Variants in TBCD observed in about 807,000 individuals in gnomAD.
TBCD encodes tubulin folding cofactor D, also known as tubulin-specific chaperone D.
In TBCD, 105 loss-of-function variants were observed where a neutral mutation model predicts 169.3. The observed-to-expected ratio is 0.62, with a 90% confidence interval of 0.53 to 0.73. The LOEUF is 0.73. Ranked by LOEUF, TBCD falls within the 30% of genes least tolerant of loss-of-function variation. The pLI is 0.00. For missense variants in TBCD, 1,444 were observed against 1,600.1 expected (o/e 0.90, Z 1.66); for synonymous variants, 700 against 643.9 (o/e 1.09, Z -1.32).
intron 7 of TBCD, among the ~76,000 whole-genome samples, chr17:82,790,563 T>C (rs569393207): frequency 1.3e-5 from 2 of 152,260 alleles, no homozygotes; most frequent in Admixed American, 1.3e-4. Context: ...CTCTCAGCCA[T>C]GCTCTCCGTC....
At chr17:82,940,287 C>A (rs1909352275) in intron 37 of TBCD, among the ~76,000 whole-genome samples, 1 of 152,020 alleles carries the variant, frequency 6.6e-6, no homozygotes, top group Admixed American at 6.5e-5. Context: ...TGTTGGAGAT[C>A]AGGACTGAAG....
intron 13 of TBCD, among the ~76,000 whole-genome samples, chr17:82,815,241 G>A (rs754981411): frequency 2.0e-5 from 3 of 152,222 alleles, no homozygotes; most frequent in Non-Finnish European, 4.4e-5. Flanking sequence ...ATTACCCTGT[G>A]TAGCTGGTTT....
In TBCD at chr17:82,847,356, GAAAAAAAAA is replaced by G. The variant is rs1041994030; in HGVS notation, c.1319-22853_1319-22845del. ...CAACAGAGCGAGACTCCATGTCAAA[GAAAAAAAAA>G]AAAAAAAAAAAAAAGAAACAACCCT... is the stretch of plus-strand genomic sequence containing the variant. On this transcript the variant is annotated intron_variant, in intron 13 of 38. Transcript: ENST00000355528. 1.6e-4 allele frequency among the ~76,000 whole-genome samples: 13 copies of G among 81,748 alleles called. No homozygotes were observed. The South Asian group carries it at 3.3e-3, about 21-fold the overall frequency. The allele number at this position is 81,748 out of a possible 152,430, so 53.6% of individuals were successfully genotyped here. A position where few individuals can be genotyped will look rare whatever the true frequency, so the allele number is the denominator to read the frequency against.
intron 33 of TBCD, 45 bp from the exon 34 acceptor site, chr17:82,932,613 C>T (rs969662478): frequency 1.3e-6 from 2 of 1,559,876 alleles, no homozygotes; most frequent in Non-Finnish European, 1.8e-6. Flanking sequence ...AGTTGGGCGT[C>T]CTTGTTGCTG....
At chr17:82,857,353 A>G (rs2056396522) in intron 13 of TBCD, among the ~76,000 whole-genome samples, 1 of 152,098 alleles carries the variant, frequency 6.6e-6, no homozygotes, top group Non-Finnish European at 1.5e-5. Context: ...TATCTTCTGG[A>G]TATTAAACTC....
In TBCD at chr17:82,941,387, C is replaced by T. The variant is rs1303676385; in HGVS notation, c.3480-12C>T. ...GCACTCGAGAGACTCACGGCTCTCC[C>T]TCTCCTCACAGGGACGCGGAGCTTG... On this transcript the variant is annotated splice_polypyrimidine_tract_variant and intron_variant, in intron 37 of 38. Coordinates refer to ENST00000355528, the MANE Select transcript of TBCD (RefSeq NM_005993.5). 3 of 1,579,708 alleles carry T rather than the reference C, an allele frequency of 1.9e-6. No individual in the cohort carries two copies. The highest frequency in any genetic ancestry group is 2.6e-6 in the Non-Finnish European group (3 of 1,168,386).
At chr17:82,837,009 A>G (rs575947284) in intron 13 of TBCD, among the ~76,000 whole-genome samples, 8 of 152,208 alleles carry the variant, frequency 5.3e-5, no homozygotes, top group African/African-American at 1.2e-4. Flanking sequence ...CAGTGGTTTT[A>G]GTAACCTTGG....
chr17:82,752,120 C>A lies in TBCD; in HGVS notation c.-74C>A. 1 of 1,398,068 alleles carries A rather than the reference C, an allele frequency of 7.2e-7. No homozygotes were observed. The allele number at this position is 1,398,068 out of a possible 1,614,324, so 86.6% of individuals were successfully genotyped here. A position where few individuals can be genotyped will look rare whatever the true frequency, so the allele number is the denominator to read the frequency against. On this transcript the variant is annotated 5_prime_UTR_variant, in exon 1 of 39. Coordinates refer to ENST00000355528, the MANE Select transcript of TBCD (RefSeq NM_005993.5). ...CTCCTTTTCATCCCTCATCCTTCATCCCTGGCTTTCGCGCTCTAGCGGAGT... is the reference window on the plus strand; with the variant it reads ...CTCCTTTTCATCCCTCATCCTTCATACCTGGCTTTCGCGCTCTAGCGGAGT...
At chr17:82,840,949 A>T (rs9895354) in intron 13 of TBCD, among the ~76,000 whole-genome samples, 125,377 of 125,420 alleles carry the variant, frequency 1, 62,667 homozygotes, top group Middle Eastern at 1. Flanking sequence ...AGGACAGACA[A>T]ACTGGTTTTT....
At chr17:82,805,552 G>C in intron 9 of TBCD, among the ~76,000 whole-genome samples, 2 of 152,292 alleles carry the variant, frequency 1.3e-5, no homozygotes, top group South Asian at 2.1e-4. Flanking sequence ...CCCGAAGGCC[G>C]GGTGCTTCCC....
Position 82,882,773 on chromosome 17 carries a change from G to GTGGGTC in TBCD, c.1476-1355_1476-1350dup, listed in dbSNP as rs367626543. Among the ~76,000 whole-genome samples, 279 of 152,300 alleles carry GTGGGTC rather than the reference G, an allele frequency of 1.8e-3. 1 individual carries two copies. The highest frequency in any genetic ancestry group is 5.9e-3 in the African/African-American group (247 of 41,562). ...GCTGTGAAACCGGAGAGCAAGGCCA[G>GTGGGTC]TGGGTCTGGGTCTGGGTCTGGGGCG... On this transcript the variant is annotated intron_variant, in intron 14 of 38. Coordinates refer to ENST00000355528, the MANE Select transcript of TBCD (RefSeq NM_005993.5).
intron 20 of TBCD, among the ~76,000 whole-genome samples, chr17:82,907,302 T>C (rs2060319160): frequency 6.6e-6 from 1 of 152,184 alleles, no homozygotes. Flanking sequence ...ACCTGTCTGT[T>C]TTCCAAGGTG....
At chr17:82,847,263 G>A (rs979778982) in intron 13 of TBCD, among the ~76,000 whole-genome samples, 34 of 148,626 alleles carry the variant, frequency 2.3e-4, no homozygotes, top group African/African-American at 7.9e-4. Context: ...TGAGGCAGGA[G>A]AATGGTGTGA....
At chr17:82,929,551 G>C (rs764483646) in intron 32 of TBCD, 51 bp downstream of exon 32, 1 of 1,596,980 alleles carries the variant, frequency 6.3e-7, no homozygotes, top group Non-Finnish European at 8.5e-7. Context: ...AGGAGTGCCT[G>C]GTGCTTCCCT....
intron 23 of TBCD, among the ~76,000 whole-genome samples, chr17:82,916,370 G>A (rs758326662): frequency 5.9e-5 from 9 of 151,966 alleles, no homozygotes; most frequent in African/African-American, 1.9e-4. Context: ...TCAGCCTCCC[G>A]AGTAGCTGGG....
chr17:82,846,999 G>A (rs917825936), intron 13 of TBCD, among the ~76,000 whole-genome samples: 11 of 152,224 alleles, frequency 7.2e-5, no homozygotes, highest in Admixed American at 2.0e-4. Context: ...TGCTCTGGGC[G>A]CTGTGGGCAC....
intron 13 of TBCD, among the ~76,000 whole-genome samples, chr17:82,841,297 GC>G (rs2054506044): frequency 6.6e-6 from 1 of 151,630 alleles, no homozygotes; most frequent in Admixed American, 6.6e-5. Flanking sequence ...ACATGGCTTT[GC>G]GTTTACTTTT....
intron 15 of TBCD, among the ~76,000 whole-genome samples, chr17:82,888,323 C>T (rs2058894462): frequency 6.6e-6 from 1 of 152,214 alleles, no homozygotes; most frequent in Non-Finnish European, 1.5e-5. Context: ...TGCCTCCCAG[C>T]GTCTTCTTTC....
At chr17:82,769,876 CAAAA>C (rs11348436) in intron 5 of TBCD, among the ~76,000 whole-genome samples, 7 of 110,994 alleles carry the variant, frequency 6.3e-5, no homozygotes, top group Non-Finnish European at 1.2e-4. Flanking sequence ...GAGTCCATCT[CAAAA>C]AAAAAAAAAA....
Sources: gnomAD v4.1 joint callset for allele counts (sites outside exome capture counted in the v4.1 genomes callset) on GRCh38, gnomAD v4.1.1 for gene constraint, MANE v1.5 for transcripts, NCBI Gene and HGNC (gene_info 2026-07-23, HGNC 2026-07-21) for gene names.